ERBB4: variants seen among roughly 807,000 people sequenced by gnomAD.
ERBB4 encodes the protein erb-b2 receptor tyrosine kinase 4.
ERBB4 carries 42 observed loss-of-function variants against 158.0 expected under a neutral mutation model. That is an observed-to-expected ratio of 0.27 (90% CI 0.21 to 0.34). The LOEUF is 0.34. ERBB4 is among the 10% of genes least tolerant of loss of function. ERBB4 has a pLI of 1.00. For synonymous variants in ERBB4, 583 were observed against 558.7 expected (o/e 1.04, Z -0.61); for missense variants, 1,333 against 1,624.1 (o/e 0.82, Z 3.08).
intron 2 of ERBB4, among the ~76,000 whole-genome samples, chr2:211,963,572 T>C (rs1279284413): frequency 1.3e-5 from 2 of 152,126 alleles, no homozygotes; most frequent in East Asian, 1.9e-4. Flanking sequence ...AGTGGATGGA[T>C]AGATAAATAA....
At chr2:211,673,323 C>T in intron 13 of ERBB4, 66 bp from the exon 14 acceptor site, 3 of 1,148,340 alleles carry the variant, frequency 2.6e-6, no homozygotes, top group Non-Finnish European at 4.0e-6. Flanking sequence ...AATGAAGTAA[C>T]ATCTGCTAAA....
chr2:212,391,622 A>AATATATTATATTGACATATAATATT (rs1459435835), intron 1 of ERBB4, among the ~76,000 whole-genome samples: 3 of 142,872 alleles, frequency 2.1e-5, no homozygotes, highest in Admixed American at 1.5e-4. Context: ...ATTATATGTC[A>AATATATTATATTGACATATAATATT]ATATATTATA....
Position 212,506,169 on chromosome 2 carries a change from G to A in ERBB4, c.82+32280C>T, listed in dbSNP as rs111942710. On this transcript the variant is annotated intron_variant, in intron 1 of 27. Transcript: ENST00000342788. ...GATGTTACTATTGTAATTGTTTTGA[G>A]GAGCCACAAATCATACCCAAACTTA... is the stretch of plus-strand genomic sequence containing the variant. 1.5e-3 allele frequency among the ~76,000 whole-genome samples: 229 copies of A among 148,652 alleles called. 4 individuals carry two copies. The highest frequency in any genetic ancestry group is 6.9e-3 in the Middle Eastern group (2 of 290).
chr2:212,228,621 C>T (rs2083556729), intron 1 of ERBB4, among the ~76,000 whole-genome samples: 2 of 152,160 alleles, frequency 1.3e-5, no homozygotes. Flanking sequence ...TCCTGCAGAG[C>T]CTACCATGTA....
chr2:211,560,829 G>A (rs16846440), intron 20 of ERBB4, among the ~76,000 whole-genome samples: 37,631 of 151,950 alleles, frequency 0.25, 5,534 homozygotes, highest in African/African-American at 0.4. Context: ...TTTCTGTCAA[G>A]TAAAATTTTT....
intron 3 of ERBB4, among the ~76,000 whole-genome samples, chr2:211,929,881 CA>C (rs1293072514): frequency 6.6e-6 from 1 of 152,008 alleles, no homozygotes; most frequent in African/African-American, 2.4e-5. Context: ...TAGAGAAAAA[CA>C]ACATGTGTAT....
chr2:212,478,414 G>A (rs1434462606), intron 1 of ERBB4, among the ~76,000 whole-genome samples: 1 of 152,002 alleles, frequency 6.6e-6, no homozygotes, highest in Non-Finnish European at 1.5e-5. Context: ...AAAGAAAGTT[G>A]AAAATATGCA....
chr2:211,936,936 C>G (rs1301465380), intron 3 of ERBB4, among the ~76,000 whole-genome samples: 2 of 152,064 alleles, frequency 1.3e-5, no homozygotes, highest in East Asian at 3.8e-4. Flanking sequence ...AAAACATTGA[C>G]CATTTTTATT....
At chr2:212,180,694 T>C (rs900814827) in intron 1 of ERBB4, among the ~76,000 whole-genome samples, 1 of 151,756 alleles carries the variant, frequency 6.6e-6, no homozygotes, top group Non-Finnish European at 1.5e-5. Flanking sequence ...CTCAACTCAG[T>C]ATTCAAACAG....
At chr2:211,661,846 C>T (rs535389918) in intron 15 of ERBB4, among the ~76,000 whole-genome samples, 3,231 of 150,076 alleles carry the variant, frequency 0.022, 115 homozygotes, top group African/African-American at 0.074. Context: ...GAGACCATCC[C>T]GGCTAAAACG....
intron 2 of ERBB4, among the ~76,000 whole-genome samples, chr2:212,117,054 T>C (rs945224085): frequency 2.8e-4 from 42 of 152,180 alleles, no homozygotes; most frequent in Admixed American, 5.9e-4. Flanking sequence ...CATACAAAAT[T>C]GCATATGTAT....
At chr2:211,598,532 G>C (rs1244845257) in intron 19 of ERBB4, among the ~76,000 whole-genome samples, 1 of 152,134 alleles carries the variant, frequency 6.6e-6, no homozygotes, top group East Asian at 1.9e-4. Flanking sequence ...TGAATCCTCT[G>C]TGTGGTTTCA....
intron 2 of ERBB4, among the ~76,000 whole-genome samples, chr2:212,019,054 CAAG>C (rs2076588521): frequency 1.3e-5 from 2 of 151,952 alleles, no homozygotes; most frequent in South Asian, 4.2e-4. Flanking sequence ...AGCCAGAGTA[CAAG>C]AAGCCTGGTT....
intron 4 of ERBB4, among the ~76,000 whole-genome samples, chr2:211,767,970 C>T (rs2075594721): frequency 6.6e-6 from 1 of 152,198 alleles, no homozygotes; most frequent in Admixed American, 6.5e-5. Flanking sequence ...TGTCCAAAGT[C>T]TCATCTGAGA....
intron 16 of ERBB4, among the ~76,000 whole-genome samples, chr2:211,642,012 T>A (rs572748473): frequency 6.6e-6 from 1 of 152,216 alleles, no homozygotes; most frequent in East Asian, 1.9e-4. Flanking sequence ...ATGAAATAGT[T>A]AAGTGGGATA....
chr2:211,394,440 A>ATAAT (rs144619975), intron 25 of ERBB4, among the ~76,000 whole-genome samples: 538 of 152,192 alleles, frequency 3.5e-3, no homozygotes, highest in Admixed American at 6.9e-3. Flanking sequence ...GCATGTTGTC[A>ATAAT]TAATTGAACC....
chr2:212,040,285 C>T lies in ERBB4; in HGVS notation c.234+84467G>A, dbSNP rs185029039. ...TTTTTCTGATGGAAAGTAACACACA[C>T]TATTATTTGGTGAATAGAAAAATTT... On this transcript the variant is annotated intron_variant, in intron 2 of 27. Transcript: ENST00000342788. Among the ~76,000 whole-genome samples, 495 of 152,040 alleles carry T rather than the reference C, an allele frequency of 3.3e-3. 2 individuals carry two copies. The highest frequency in any genetic ancestry group is 0.011 in the African/African-American group (471 of 41,504).
rs1224293287 is a variant in ERBB4, at chr2:211,515,911, TA to T, written c.2487+45991del. Among the ~76,000 whole-genome samples the T allele has an allele frequency of 3.4e-3, 299 of 88,558 alleles. 3 individuals are homozygous for T. The highest frequency in any genetic ancestry group is 0.01 in the African/African-American group (182 of 17,710). 58.1% of individuals were successfully genotyped at this position (88,558 alleles called of 152,430 possible). A position where few individuals can be genotyped will look rare whatever the true frequency, so the allele number is the denominator to read the frequency against. The stretch of plus-strand genomic sequence containing the variant: ...AAAACATATATTATATATATATATA[TA>T]TTTTTTTTTTTTTTTTTTTTGAGGC... On this transcript the variant is annotated intron_variant, in intron 20 of 27. Coordinates refer to ENST00000342788, the MANE Select transcript of ERBB4 (RefSeq NM_005235.3).
chr2:212,127,762 C>T (rs1210307962), intron 1 of ERBB4, among the ~76,000 whole-genome samples: 2 of 152,014 alleles, frequency 1.3e-5, no homozygotes, highest in East Asian at 3.9e-4. Context: ...CAAAGACAAT[C>T]AGGAAAGAAA....
Sources: gnomAD v4.1 joint callset for allele counts (sites outside exome capture counted in the v4.1 genomes callset) on GRCh38, gnomAD v4.1.1 for gene constraint, MANE v1.5 for transcripts, NCBI Gene and HGNC (gene_info 2026-07-23, HGNC 2026-07-21) for gene names.